The following TMEM87A variants were observed in gnomAD, a reference collection of about 807,000 sequenced individuals.
The protein encoded by TMEM87A is Golgi-pH regulating cation channel.
TMEM87A carries 50 observed loss-of-function variants against 90.0 expected under a neutral mutation model. That is an observed-to-expected ratio of 0.56 (90% confidence interval 0.44 to 0.70). TMEM87A has a LOEUF of 0.70. TMEM87A is among the 30% of genes least tolerant of loss of function. TMEM87A has a pLI of 0.00. For synonymous variants in TMEM87A, 226 were observed against 226.7 expected (o/e 1.00, Z 0.03); for missense variants, 577 against 660.5 (o/e 0.87, Z 1.39).
intron 16 of TMEM87A, 111 bp downstream of exon 16, chr15:42,219,951 T>G: frequency 1.9e-6 from 2 of 1,043,354 alleles, no homozygotes; most frequent in South Asian, 3.5e-5. Context: ...TTCTTAACCC[T>G]GACTTCATCC....
chr15:42,219,827 C>CT (rs2140915371), intron 16 of TMEM87A, among the ~76,000 whole-genome samples, 185 bp from the exon 17 acceptor site: 1 of 152,172 alleles, frequency 6.6e-6, no homozygotes, highest in South Asian at 2.1e-4. Context: ...TATATGTAAG[C>CT]TGGGAAGTTC....
intron 6 of TMEM87A, among the ~76,000 whole-genome samples, chr15:42,245,519 A>AC (rs2050954984): frequency 7.2e-6 from 1 of 138,554 alleles, no homozygotes; most frequent in South Asian, 2.3e-4. Context: ...GACATTTATT[A>AC]CTTTTTTTTT....
At position 42,217,843 on chromosome 15, in the gene TMEM87A, G is replaced by C. The variant is rs2050407898; in HGVS notation, c.1596-10C>G. 1.2e-6 allele frequency: 2 copies of C among 1,611,830 alleles called. No individual in the cohort carries two copies. Among genetic ancestry groups the C allele is most frequent in the Non-Finnish European group, 1.7e-6 (2 of 1,179,408 alleles). ...AAGGGCTGGAAGTGCTCTGCAAAGA[G>C]AGAGAAATACTAAATTGAACAATGT... On this transcript the variant is annotated splice_polypyrimidine_tract_variant and intron_variant, in intron 18 of 19. Transcript: ENST00000389834.
At chr15:42,211,789 A>G (rs2050292848) in intron 19 of TMEM87A, 40 bp from the exon 20 acceptor site, 7 of 1,567,890 alleles carry the variant, frequency 4.5e-6, no homozygotes, top group Non-Finnish European at 6.1e-6. Flanking sequence ...TTAGGTTAAA[A>G]TGATCTATAT....
chr15:42,237,465 C>G lies in TMEM87A; in HGVS notation c.835G>C (p.Glu279Gln), dbSNP rs1184151007. Reference sequence around the variant, plus strand: ...CCTTTGTATCGGATATTCTGAAATTCCGCATAGAAGACAGCTTTCTCAAGC... The same window carrying G: ...CCTTTGTATCGGATATTCTGAAATTGCGCATAGAAGACAGCTTTCTCAAGC... ...GMLEKAVFYA[E>Q]FQNIRYKGES... The change falls in exon 9 of 20, where the codon GAA (glutamate) becomes CAA (glutamine). Residue 279 changes from glutamate (E) to glutamine (Q), a missense_variant. Coordinates refer to ENST00000389834, the MANE Select transcript of TMEM87A (RefSeq NM_015497.5). 6.2e-7 allele frequency: 1 copy of G among 1,613,896 alleles called. No individual in the cohort carries two copies. The highest frequency in any genetic ancestry group is 8.5e-7 in the Non-Finnish European group (1 of 1,180,002).
At chr15:42,238,892 T>C (rs1005094654) in intron 8 of TMEM87A, among the ~76,000 whole-genome samples, 2 of 151,090 alleles carry the variant, frequency 1.3e-5, no homozygotes, top group Non-Finnish European at 2.9e-5. Context: ...ACGGGAAAAC[T>C]ATTAAAGGGA....
intron 6 of TMEM87A, among the ~76,000 whole-genome samples, chr15:42,255,547 GC>G (rs1398901543): frequency 3.3e-5 from 5 of 152,016 alleles, no homozygotes; most frequent in Non-Finnish European, 4.4e-5. Flanking sequence ...ACAGGCATAA[GC>G]CACTGCACTG....
rs372404976 is a variant in TMEM87A at position 42,219,550 on chromosome 15, G to A, written c.1539+31C>T. On this transcript the variant is annotated intron_variant, in intron 17 of 19. Transcript: ENST00000389834. ...ACTAAGGGTTGGAAGATGGGACAAA[G>A]AACAAAGACAAATGGAAAAGTCATA... The A allele has an allele frequency of 2.8e-4, 438 of 1,555,528 alleles. 1 individual carries two copies. The highest frequency in any genetic ancestry group is 3.5e-4 in the Non-Finnish European group (398 of 1,140,414).
chr15:42,215,698 G>A (rs768191561), intron 19 of TMEM87A, among the ~76,000 whole-genome samples: 1 of 152,028 alleles, frequency 6.6e-6, no homozygotes, highest in Non-Finnish European at 1.5e-5. Context: ...AAGGTGTCAC[G>A]TCACACCTGT....
chr15:42,263,330 A>G (rs1050308739), intron 4 of TMEM87A, among the ~76,000 whole-genome samples: 5 of 152,256 alleles, frequency 3.3e-5, no homozygotes, highest in African/African-American at 1.2e-4. Context: ...TTCTATTTAT[A>G]TGAGGTATCT....
At position 42,226,867 on chromosome 15, in the gene TMEM87A, G is replaced by A. The variant is rs752140251; in HGVS notation, c.1342C>T (p.Leu448=). Reference sequence around the variant, plus strand: ...ATGACAAAGAGGATCATGGAGAACAGCAAGCGCCAGATGGCATCGTCTACC... The same window carrying A: ...ATGACAAAGAGGATCATGGAGAACAACAAGCGCCAGATGGCATCGTCTACC... ...LWVDDAIWRL[L]FSMILFVIMV... is the part of the protein sequence containing the mutation. The change falls in exon 15 of 20, where the codon CTG becomes TTG. Residue 448 remains leucine (L), a synonymous_variant. Coordinates refer to ENST00000389834, the MANE Select transcript of TMEM87A (RefSeq NM_015497.5). 6.2e-7 allele frequency: 1 copy of A among 1,614,130 alleles called. No individual in the cohort carries two copies. The highest frequency in any genetic ancestry group is 8.5e-7 in the Non-Finnish European group (1 of 1,180,042).
chr15:42,258,723 A>G, intron 6 of TMEM87A: 1 of 1,362,352 alleles, frequency 7.3e-7, no homozygotes, highest in Non-Finnish European at 9.5e-7. Flanking sequence ...CACTGTACCC[A>G]GTCCTAATGG....
At chr15:42,220,013 C>T (rs2050446575) in intron 16 of TMEM87A, 49 bp downstream of exon 16, 1 of 1,473,056 alleles carries the variant, frequency 6.8e-7, no homozygotes, top group Non-Finnish European at 9.2e-7. Context: ...AATGTACTTA[C>T]AGAAAAATAA....
At chr15:42,246,055 C>T (rs2050966116) in intron 6 of TMEM87A, among the ~76,000 whole-genome samples, 2 of 152,166 alleles carry the variant, frequency 1.3e-5, no homozygotes, top group Admixed American at 1.3e-4. Context: ...CAGTAGCTCC[C>T]CATTTCTTCC....
intron 2 of TMEM87A, among the ~76,000 whole-genome samples, chr15:42,271,184 C>T (rs1231265014): frequency 6.6e-6 from 1 of 152,148 alleles, no homozygotes; most frequent in Non-Finnish European, 1.5e-5. Context: ...GTCATTTTTC[C>T]ACTAGACAAA....
chr15:42,252,698 T>G (rs933679935), intron 6 of TMEM87A, among the ~76,000 whole-genome samples: 3 of 152,148 alleles, frequency 2.0e-5, no homozygotes, highest in Non-Finnish European at 4.4e-5. Context: ...TTTCCTTTAG[T>G]TTCTTCATCC....
At chr15:42,271,295 T>C (rs1394030678) in intron 2 of TMEM87A, among the ~76,000 whole-genome samples, 1 of 152,216 alleles carries the variant, frequency 6.6e-6, no homozygotes, top group Non-Finnish European at 1.5e-5. Flanking sequence ...CTACTAAATA[T>C]ATTCCTTCAC....
chr15:42,222,764 T>C (rs923108303), intron 15 of TMEM87A, among the ~76,000 whole-genome samples: 1 of 151,880 alleles, frequency 6.6e-6, no homozygotes, highest in African/African-American at 2.4e-5. Context: ...TTCATCATGT[T>C]GGTCCGGCTG....
chr15:42,230,826 T>C (rs932672944), intron 12 of TMEM87A, among the ~76,000 whole-genome samples: 2 of 152,182 alleles, frequency 1.3e-5, no homozygotes, highest in Non-Finnish European at 2.9e-5. Flanking sequence ...CATTTAAGAA[T>C]TGCTAGAGGC....
Sources: allele counts gnomAD v4.1 joint callset (sites outside exome capture counted in the v4.1 genomes callset), GRCh38; gene constraint gnomAD v4.1.1; transcripts MANE v1.5; gene names NCBI Gene and HGNC (gene_info 2026-07-23, HGNC 2026-07-21).